Variants in SPSB4 observed in about 807,000 individuals in gnomAD.
SPSB4 encodes the protein SPRY domain-containing SOCS box protein 4.
A neutral mutation model predicts 20.9 loss-of-function variants in SPSB4; 21 were observed. The ratio of observed to expected loss-of-function variants is 1.01; its 90% CI spans 0.71 to 1.45. The LOEUF (loss-of-function observed/expected upper bound fraction) is 1.45. Among genes scored for constraint, SPSB4 ranks in the 40% most tolerant of loss-of-function variants. SPSB4 has a pLI of 0.00. For missense variants in SPSB4, 399 were observed against 399.2 expected, an observed-to-expected ratio of 1.00 and a Z score of 0.00; for synonymous variants, 207 against 183.8, an observed-to-expected ratio of 1.13 and a Z score of -1.02.
intron 2 of SPSB4, among the ~76,000 whole-genome samples, chr3:141,108,306 G>A (rs1938733410): frequency 6.6e-6 from 1 of 152,154 alleles, no homozygotes; most frequent in South Asian, 2.1e-4. Flanking sequence ...TTACTGCAGT[G>A]GGCAGAGCAG....
rs143788346 is a variant in SPSB4, at chr3:141,121,021, A to G, written c.695-26121A>G. On this transcript the variant is annotated intron_variant, in intron 2 of 2. Coordinates refer to ENST00000310546, the MANE Select transcript of SPSB4 (RefSeq NM_080862.3). ...CTTCCTAGCTTCGATGCTCTTTACA[A>G]CTTGGCATGTTTTTGCAGTGGCTGG... 8.0e-3 allele frequency among the ~76,000 whole-genome samples: 1,198 copies of G among 150,106 alleles called. 39 individuals carry two copies. The highest frequency in any genetic ancestry group is 0.028 in the African/African-American group (1,139 of 41,098).
At chr3:141,088,665 C>T (rs988482694) in intron 2 of SPSB4, among the ~76,000 whole-genome samples, 10 of 152,196 alleles carry the variant, frequency 6.6e-5, no homozygotes, top group African/African-American at 2.4e-4. Flanking sequence ...CCCCAGCTCC[C>T]CAGCCTCCAG....
chr3:141,099,511 C>T (rs1201082508), intron 2 of SPSB4, among the ~76,000 whole-genome samples: 2 of 152,078 alleles, frequency 1.3e-5, no homozygotes, highest in Admixed American at 1.3e-4. Flanking sequence ...TTATTTATAT[C>T]CATGTGGTAG....
intron 2 of SPSB4, among the ~76,000 whole-genome samples, chr3:141,068,471 T>C (rs988603068): frequency 5.3e-5 from 8 of 152,110 alleles, no homozygotes; most frequent in African/African-American, 1.9e-4. Context: ...AATTGGAAAA[T>C]TTATTTGCTG....
chr3:141,073,672 A>G (rs569718522), intron 2 of SPSB4, among the ~76,000 whole-genome samples: 1 of 152,322 alleles, frequency 6.6e-6, no homozygotes, highest in Admixed American at 6.5e-5. Flanking sequence ...TGCTCAGTAA[A>G]TGCATATTAA....
Position 141,066,258 on chromosome 3 carries a change from C to T in SPSB4, c.154C>T (p.Leu52=). 1 of 1,543,784 alleles carries T rather than the reference C, an allele frequency of 6.5e-7. No homozygotes were observed. Among genetic ancestry groups the T allele is most frequent in the Non-Finnish European group, 8.7e-7 (1 of 1,145,772 alleles). The change falls in exon 2 of 3, where the codon CTG becomes TTG. Residue 52 remains leucine (L), a synonymous_variant. Coordinates refer to ENST00000310546, the MANE Select transcript of SPSB4 (RefSeq NM_080862.3). The stretch of plus-strand genomic sequence containing the variant: ...GCCAGCGGCGGGGCTGGCTGTGCAG[C>T]TGCGGCACGCGTGGAACCCCGAGGA... The part of the protein sequence containing the change: ...DMPAAGLAVQ[L]RHAWNPEDRS...
intron 2 of SPSB4, among the ~76,000 whole-genome samples, chr3:141,135,492 C>T (rs1481034461): frequency 1.3e-5 from 2 of 150,232 alleles, no homozygotes; most frequent in Admixed American, 1.3e-4. Context: ...GATATCCCCC[C>T]TCCCCCCACC....
At position 141,143,119 on chromosome 3, in the gene SPSB4, T is replaced by C. The variant is rs1338275998; in HGVS notation, c.695-4023T>C. Among the ~76,000 whole-genome samples, 4 of 152,234 alleles carry C rather than the reference T, an allele frequency of 2.6e-5. No homozygotes were observed. The East Asian group carries it at 7.7e-4, about 29-fold the overall frequency. On this transcript the variant is annotated intron_variant, in intron 2 of 2. Transcript: ENST00000310546. ...GTCTGAGCCACCACGCTTGGCCCCCTCTTTGTCTTTTTAAACTGTTGTTGC... is the reference window on the plus strand; with the variant it reads ...GTCTGAGCCACCACGCTTGGCCCCCCCTTTGTCTTTTTAAACTGTTGTTGC...
At position 141,061,714 on chromosome 3, in the gene SPSB4, CTTTT is replaced by C. The variant is rs757050696; in HGVS notation, c.-153-4236_-153-4233del. On this transcript the variant is annotated intron_variant, in intron 1 of 2. Transcript: ENST00000310546. ...AATATCCTTTTTCTTCTCTTTCTTT[CTTTT>C]TCTTTCCTTTTCTTTCTTTCTTTTT... Among the ~76,000 whole-genome samples, 11 of 145,808 alleles carry C rather than the reference CTTTT, an allele frequency of 7.5e-5. No individual in the cohort carries two copies. In the East Asian group the frequency reaches 2.2e-3, roughly 29 times the overall value.
chr3:141,106,719 C>T lies in SPSB4; in HGVS notation c.694+39921C>T, dbSNP rs190088612. ...CAGGTTCAAACACCATTGGCAGGGTCTGACGTCTCTCTCTCCATTTCTCAG... is the reference window on the plus strand; with the variant it reads ...CAGGTTCAAACACCATTGGCAGGGTTTGACGTCTCTCTCTCCATTTCTCAG... On this transcript the variant is annotated intron_variant, in intron 2 of 2. Coordinates refer to ENST00000310546, the MANE Select transcript of SPSB4 (RefSeq NM_080862.3). 7.6e-3 allele frequency among the ~76,000 whole-genome samples: 1,161 copies of T among 152,342 alleles called. 23 individuals are homozygous for T. Among genetic ancestry groups the T allele is most frequent in the Admixed American group, 0.044 (671 of 15,298 alleles).
chr3:141,141,098 G>A (rs1939319012), intron 2 of SPSB4, among the ~76,000 whole-genome samples: 2 of 152,242 alleles, frequency 1.3e-5, no homozygotes, highest in Non-Finnish European at 2.9e-5. Context: ...CTAGCAATGA[G>A]TGAGGCTCTG....
intron 1 of SPSB4, among the ~76,000 whole-genome samples, chr3:141,059,902 A>G (rs868369432): frequency 3.9e-5 from 6 of 152,234 alleles, no homozygotes. Context: ...ACTTCCAACC[A>G]GTCTCAGAGA....
At chr3:141,061,454 T>C (rs980139089) in intron 1 of SPSB4, among the ~76,000 whole-genome samples, 14 of 152,010 alleles carry the variant, frequency 9.2e-5, no homozygotes, top group Non-Finnish European at 2.1e-4. Context: ...TTCAGAATAG[T>C]TTTAGATTTA....
chr3:141,115,579 A>G (rs968653733), intron 2 of SPSB4, among the ~76,000 whole-genome samples: 6 of 152,218 alleles, frequency 3.9e-5, no homozygotes, highest in African/African-American at 1.4e-4. Context: ...TTGCAAATGT[A>G]TTTGTGGTAC....
At chr3:141,119,503 C>G (rs555704647) in intron 2 of SPSB4, among the ~76,000 whole-genome samples, 244 of 152,272 alleles carry the variant, frequency 1.6e-3, no homozygotes, top group African/African-American at 5.7e-3. Context: ...GCCTGATTGC[C>G]CTGGCCAGAA....
intron 2 of SPSB4, among the ~76,000 whole-genome samples, chr3:141,136,654 G>A (rs1939233248): frequency 6.6e-6 from 1 of 152,098 alleles, no homozygotes. Flanking sequence ...GGTTGTAGGT[G>A]TGTGGTATTA....
chr3:141,139,869 G>A (rs528625212), intron 2 of SPSB4, among the ~76,000 whole-genome samples: 4 of 152,210 alleles, frequency 2.6e-5, no homozygotes, highest in Non-Finnish European at 2.9e-5. Flanking sequence ...TCCTGAATTC[G>A]AATGTTGGCC....
At chr3:141,054,385 G>C (rs1419547362) in intron 1 of SPSB4, among the ~76,000 whole-genome samples, 1 of 152,194 alleles carries the variant, frequency 6.6e-6, no homozygotes, top group African/African-American at 2.4e-5. Flanking sequence ...ATGACCATCT[G>C]TGGTAAGAAA....
At chr3:141,079,046 G>C (rs1938171718) in intron 2 of SPSB4, among the ~76,000 whole-genome samples, 1 of 152,170 alleles carries the variant, frequency 6.6e-6, no homozygotes, top group African/African-American at 2.4e-5. Context: ...CGGATCACAA[G>C]GTCAGGAGAT....
Sources: allele counts gnomAD v4.1 joint callset (sites outside exome capture counted in the v4.1 genomes callset), GRCh38; gene constraint gnomAD v4.1.1; transcripts MANE v1.5; gene names NCBI Gene and HGNC (gene_info 2026-07-23, HGNC 2026-07-21).